Variants in ANKS1B observed in about 807,000 individuals in gnomAD.
ANKS1B encodes the protein ankyrin repeat and sterile alpha motif domain-containing protein 1B.
Under a neutral mutation model 148.3 loss-of-function variants are expected in ANKS1B, and 36 were observed. The ratio of observed to expected loss-of-function variants is 0.24; its 90% CI spans 0.19 to 0.32. The LOEUF (loss-of-function observed/expected upper bound fraction) is 0.32, where lower values mean the gene tolerates loss of function less well. Ranked by LOEUF, ANKS1B falls within the 10% of genes least tolerant of loss-of-function variation. ANKS1B has a pLI of 1.00. For synonymous variants in ANKS1B, 542 were observed against 560.8 expected (o/e 0.97, Z 0.47); for missense variants, 1,157 against 1,542.6 (o/e 0.75, Z 4.19).
At chr12:98,887,785 A>G (rs1300617785) in intron 17 of ANKS1B, among the ~76,000 whole-genome samples, 1 of 152,102 alleles carries the variant, frequency 6.6e-6, no homozygotes, top group Non-Finnish European at 1.5e-5. Flanking sequence ...TTTTTAAAAA[A>G]TATTTTTAGT....
chr12:98,878,741 T>C (rs1433765672), intron 17 of ANKS1B, among the ~76,000 whole-genome samples: 1 of 152,138 alleles, frequency 6.6e-6, no homozygotes, highest in East Asian at 1.9e-4. Context: ...ACGGGAGGCA[T>C]GAAAATGACA....
intron 8 of ANKS1B, among the ~76,000 whole-genome samples, chr12:99,729,514 T>C (rs917582035): frequency 2.6e-5 from 4 of 152,158 alleles, no homozygotes; most frequent in East Asian, 1.9e-4. Flanking sequence ...TTTCTCTCTA[T>C]TGATATTCTC....
chr12:98,898,923 A>G (rs2099768491), intron 17 of ANKS1B, among the ~76,000 whole-genome samples: 2 of 152,198 alleles, frequency 1.3e-5, no homozygotes, highest in Non-Finnish European at 2.9e-5. Flanking sequence ...ATTTAAGAGC[A>G]GCCATTTTCT....
intron 14 of ANKS1B, among the ~76,000 whole-genome samples, chr12:99,196,612 T>C (rs1490606383): frequency 6.6e-6 from 1 of 152,078 alleles, no homozygotes; most frequent in African/African-American, 2.4e-5. Flanking sequence ...TTTTGTTTTT[T>C]TTCTTTTTTT....
At chr12:98,940,439 C>A (rs2099834895) in intron 17 of ANKS1B, among the ~76,000 whole-genome samples, 1 of 152,204 alleles carries the variant, frequency 6.6e-6, no homozygotes, top group African/African-American at 2.4e-5. Flanking sequence ...GCATCTAGTG[C>A]ATTTCAGTCC....
intron 16 of ANKS1B, among the ~76,000 whole-genome samples, chr12:99,056,527 A>C (rs953270841): frequency 5.3e-5 from 8 of 152,148 alleles, no homozygotes; most frequent in Admixed American, 5.2e-4. Context: ...GTCTTCCTAA[A>C]AGTCAGACCC....
chr12:99,132,288 T>A (rs1488988006), intron 15 of ANKS1B, among the ~76,000 whole-genome samples: 1 of 151,964 alleles, frequency 6.6e-6, no homozygotes, highest in East Asian at 1.9e-4. Context: ...CAAGCGGGGA[T>A]CACTTTGATC....
At chr12:99,461,508 T>C (rs2095969452) in intron 10 of ANKS1B, among the ~76,000 whole-genome samples, 2 of 152,184 alleles carry the variant, frequency 1.3e-5, no homozygotes, top group African/African-American at 4.8e-5. Context: ...ATGACATTCA[T>C]TCTTCCACAT....
rs1022765198 is a variant in ANKS1B, at chr12:99,984,774, G to C, written c.-537C>G. ...CGGCGGGGAGGAGCGCGGCGGCGGC[G>C]GCGGCGGCTCGTGCGCTGTGGCCCG... is the stretch of plus-strand genomic sequence containing the variant. On this transcript the variant is annotated 5_prime_UTR_variant, in exon 1 of 27. Coordinates refer to ENST00000683438, the MANE Select transcript of ANKS1B (RefSeq NM_001352186.2). The C allele has an allele frequency of 6.7e-6, 1 of 148,482 alleles. No individual in the cohort carries two copies. Among genetic ancestry groups the C allele is most frequent in the African/African-American group, 2.4e-5 (1 of 40,924 alleles). The allele number at this position is 148,482 out of a possible 1,614,324, so 9.2% of individuals were successfully genotyped here.
At chr12:99,174,038 G>T (rs1179371552) in intron 14 of ANKS1B, among the ~76,000 whole-genome samples, 3 of 152,108 alleles carry the variant, frequency 2.0e-5, no homozygotes, top group African/African-American at 4.8e-5. Flanking sequence ...TCCATTATTA[G>T]ATTACAAAGT....
In ANKS1B at chr12:98,759,615, T is replaced by C. The variant is rs866874808; in HGVS notation, c.3580-8093A>G. ...GTACATCACTAAGATTTTTGTTTCT[T>C]AGTTTGAAAATCTCTTAGGCACAAG... On this transcript the variant is annotated intron_variant, in intron 25 of 26. Coordinates refer to ENST00000683438, the MANE Select transcript of ANKS1B (RefSeq NM_001352186.2). Among the ~76,000 whole-genome samples, 6 of 152,328 alleles carry C rather than the reference T, an allele frequency of 3.9e-5. 1 individual carries two copies. The highest frequency in any genetic ancestry group is 5.9e-5 in the Non-Finnish European group (4 of 68,022).
At chr12:99,292,967 GA>G (rs2080246716) in intron 12 of ANKS1B, among the ~76,000 whole-genome samples, 1 of 152,156 alleles carries the variant, frequency 6.6e-6, no homozygotes, top group Non-Finnish European at 1.5e-5. Context: ...TCTAGAACTA[GA>G]AATACCATTT....
chr12:99,558,099 T>C (rs1399736512), intron 9 of ANKS1B, among the ~76,000 whole-genome samples: 1 of 152,120 alleles, frequency 6.6e-6, no homozygotes, highest in Non-Finnish European at 1.5e-5. Flanking sequence ...CCCAAGTGCT[T>C]CATCAGAGCA....
At chr12:99,660,730 T>C (rs1313879654) in intron 8 of ANKS1B, among the ~76,000 whole-genome samples, 2 of 152,156 alleles carry the variant, frequency 1.3e-5, no homozygotes, top group East Asian at 3.8e-4. Context: ...TGTTTTTTCA[T>C]ATGAGAATGT....
At chr12:99,323,130 TC>T (rs1425822782) in intron 12 of ANKS1B, among the ~76,000 whole-genome samples, 1 of 152,196 alleles carries the variant, frequency 6.6e-6, no homozygotes, top group Non-Finnish European at 1.5e-5. Flanking sequence ...TTTCTACTTA[TC>T]CTGTAAGGTT....
At chr12:99,361,399 T>C (rs1201775722) in intron 12 of ANKS1B, among the ~76,000 whole-genome samples, 1 of 152,162 alleles carries the variant, frequency 6.6e-6, no homozygotes, top group Non-Finnish European at 1.5e-5. Context: ...TTTCAAACGC[T>C]TTATTAAGTA....
chr12:99,369,258 G>A lies in ANKS1B; in HGVS notation c.1756+30373C>T, dbSNP rs78014674. ...CTCTTGCCAAATGCTTAAGCTAGAT[G>A]TGCCCAAGACTTTGGACCTAATATC... is the stretch of plus-strand genomic sequence containing the variant. On this transcript the variant is annotated intron_variant, in intron 12 of 26. Coordinates refer to ENST00000683438, the MANE Select transcript of ANKS1B (RefSeq NM_001352186.2). 1.8e-3 allele frequency among the ~76,000 whole-genome samples: 269 copies of A among 152,282 alleles called. 1 individual carries two copies. The highest frequency in any genetic ancestry group is 6.3e-3 in the African/African-American group (261 of 41,556).
chr12:99,327,634 CATAT>C (rs951002188), intron 12 of ANKS1B, among the ~76,000 whole-genome samples: 13 of 149,082 alleles, frequency 8.7e-5, no homozygotes, highest in African/African-American at 2.9e-4. Context: ...GTATCCCCCC[CATAT>C]ATATATGCCA....
intron 8 of ANKS1B, among the ~76,000 whole-genome samples, chr12:99,659,959 A>G (rs910692381): frequency 2.0e-5 from 3 of 152,202 alleles, no homozygotes; most frequent in Non-Finnish European, 2.9e-5. Context: ...AAGATTGTCA[A>G]TGCAAAGGGA....
Sources: gnomAD v4.1 joint callset for allele counts (sites outside exome capture counted in the v4.1 genomes callset) on GRCh38, gnomAD v4.1.1 for gene constraint, MANE v1.5 for transcripts, NCBI Gene and HGNC (gene_info 2026-07-23, HGNC 2026-07-21) for gene names.